Variants in HS6ST3 observed in about 807,000 individuals in gnomAD.
HS6ST3 encodes heparan sulfate 6-O-sulfotransferase 3, also known as heparan-sulfate 6-O-sulfotransferase 3.
A neutral mutation model predicts 36.7 loss-of-function variants in HS6ST3; 12 were observed. That is an observed-to-expected ratio of 0.33 (90% CI 0.21 to 0.53). The LOEUF is 0.53. Among genes scored for constraint, HS6ST3 ranks in the 20% least tolerant of loss-of-function variants. HS6ST3 has a pLI of 0.95. For missense variants in HS6ST3, 584 were observed against 640.9 expected (o/e 0.91, Z 0.96); for synonymous variants, 240 against 257.5 (o/e 0.93, Z 0.65).
intron 1 of HS6ST3, among the ~76,000 whole-genome samples, chr13:96,530,756 A>G (rs1443743931): frequency 2.6e-5 from 4 of 152,172 alleles, no homozygotes; most frequent in Non-Finnish European, 5.9e-5. Flanking sequence ...CTTTGTCATC[A>G]ATCACTTGGA....
intron 1 of HS6ST3, among the ~76,000 whole-genome samples, chr13:96,773,345 T>C (rs1877312737): frequency 6.6e-6 from 1 of 152,160 alleles, no homozygotes; most frequent in South Asian, 2.1e-4. Flanking sequence ...GAAAGGGGGC[T>C]GAAGCCAGGG....
intron 1 of HS6ST3, among the ~76,000 whole-genome samples, chr13:96,593,767 A>G (rs1315911789): frequency 6.6e-6 from 1 of 151,844 alleles, no homozygotes; most frequent in Non-Finnish European, 1.5e-5. Context: ...TGACTCCTTT[A>G]TCAGTATGTA....
intron 1 of HS6ST3, among the ~76,000 whole-genome samples, chr13:96,532,379 G>A (rs566049814): frequency 1.3e-5 from 2 of 152,322 alleles, no homozygotes; most frequent in South Asian, 4.1e-4. Context: ...CAGCTAGTTT[G>A]CATATGCAAA....
chr13:96,489,368 A>G (rs1413575270), intron 1 of HS6ST3, among the ~76,000 whole-genome samples: 2 of 100,326 alleles, frequency 2.0e-5, no homozygotes, highest in Non-Finnish European at 4.6e-5. Flanking sequence ...ATTTTTCTGT[A>G]TATACAAACA....
In HS6ST3 at chr13:96,234,456, A is replaced by G. The variant is rs544506853; in HGVS notation, c.707+142887A>G. Among the ~76,000 whole-genome samples, 11 of 152,304 alleles carry G rather than the reference A, an allele frequency of 7.2e-5. No individual in the cohort carries two copies. In the East Asian group the frequency reaches 2.1e-3, roughly 29 times the overall value. On this transcript the variant is annotated intron_variant, in intron 1 of 1. Transcript: ENST00000376705. ...GTCTGTTCTCATGCTGCTAATAAAGACATACCCAAGACTGGGTAATTTATA... is the reference window on the plus strand; with the variant it reads ...GTCTGTTCTCATGCTGCTAATAAAGGCATACCCAAGACTGGGTAATTTATA...
intron 1 of HS6ST3, among the ~76,000 whole-genome samples, chr13:96,799,532 C>T (rs1877991386): frequency 6.7e-6 from 1 of 150,116 alleles, no homozygotes; most frequent in South Asian, 2.1e-4. Context: ...ATCGCAAGAA[C>T]AAAAAACCAA....
At chr13:96,708,781 A>C (rs981020345) in intron 1 of HS6ST3, among the ~76,000 whole-genome samples, 12 of 152,206 alleles carry the variant, frequency 7.9e-5, no homozygotes, top group Non-Finnish European at 1.8e-4. Context: ...AATTATGGAG[A>C]AGGCCTATCA....
At chr13:96,239,565 A>G (rs558151539) in intron 1 of HS6ST3, among the ~76,000 whole-genome samples, 1 of 152,364 alleles carries the variant, frequency 6.6e-6, no homozygotes, top group East Asian at 1.9e-4. Flanking sequence ...TTGTTTTATT[A>G]AAGCCAATTA....
chr13:96,391,625 G>A (rs1054722579), intron 1 of HS6ST3, among the ~76,000 whole-genome samples: 1 of 152,188 alleles, frequency 6.6e-6, no homozygotes. Context: ...TGGCTGGGGA[G>A]GCCTCACAAT....
intron 1 of HS6ST3, among the ~76,000 whole-genome samples, chr13:96,265,389 A>T (rs1313101645): frequency 6.6e-6 from 1 of 151,936 alleles, no homozygotes; most frequent in East Asian, 1.9e-4. Context: ...TATGTTTCCC[A>T]TGCTGGTCTC....
intron 1 of HS6ST3, among the ~76,000 whole-genome samples, chr13:96,425,594 A>G (rs1481419113): frequency 3.9e-5 from 6 of 152,178 alleles, no homozygotes; most frequent in Non-Finnish European, 8.8e-5. Flanking sequence ...GATATGCAAA[A>G]TAGTTCATTG....
At chr13:96,369,549 T>A (rs1002269846) in intron 1 of HS6ST3, among the ~76,000 whole-genome samples, 1 of 152,156 alleles carries the variant, frequency 6.6e-6, no homozygotes, top group Non-Finnish European at 1.5e-5. Context: ...CAAGTTGTAT[T>A]TTTCATACAA....
intron 1 of HS6ST3, among the ~76,000 whole-genome samples, chr13:96,472,572 C>T (rs2055844816): frequency 6.6e-6 from 1 of 152,142 alleles, no homozygotes; most frequent in African/African-American, 2.4e-5. Context: ...TTGTGCTTGT[C>T]TCCAGCATTG....
intron 1 of HS6ST3, among the ~76,000 whole-genome samples, chr13:96,690,911 A>T (rs1327306596): frequency 6.6e-6 from 1 of 152,086 alleles, no homozygotes; most frequent in Admixed American, 6.6e-5. Context: ...ATGCGTACCT[A>T]ATAAATTATT....
intron 1 of HS6ST3, among the ~76,000 whole-genome samples, chr13:96,508,499 G>T (rs757028047): frequency 1.3e-5 from 2 of 152,008 alleles, no homozygotes; most frequent in African/African-American, 4.8e-5. Flanking sequence ...CGTACCTAAT[G>T]TGTAGTTTTT....
Position 96,813,303 on chromosome 13 carries a change from G to T in HS6ST3, c.708-19187G>T, listed in dbSNP as rs563922651. On this transcript the variant is annotated intron_variant, in intron 1 of 1. Transcript: ENST00000376705. ...TTTAGGAGAATCTGCCCCACAAAAT[G>T]TTACTTGGACTGAATGGAAGGGTAT... Among the ~76,000 whole-genome samples, 24 of 152,290 alleles carry T rather than the reference G, an allele frequency of 1.6e-4. 1 individual carries two copies. Among genetic ancestry groups the T allele is most frequent in the African/African-American group, 5.3e-4 (22 of 41,552 alleles).
intron 1 of HS6ST3, among the ~76,000 whole-genome samples, chr13:96,202,741 C>G (rs2054349203): frequency 6.6e-6 from 1 of 152,168 alleles, no homozygotes; most frequent in Non-Finnish European, 1.5e-5. Context: ...ATAGGGCAAT[C>G]CTGCTGAGAT....
intron 1 of HS6ST3, among the ~76,000 whole-genome samples, chr13:96,765,097 C>T (rs372316183): frequency 1.5e-5 from 2 of 130,406 alleles, no homozygotes; most frequent in Non-Finnish European, 3.1e-5. Context: ...GACGGAGTCT[C>T]GCTCTGTCGC....
At chr13:96,404,950 G>A (rs892556910) in intron 1 of HS6ST3, among the ~76,000 whole-genome samples, 2 of 152,166 alleles carry the variant, frequency 1.3e-5, no homozygotes, top group African/African-American at 4.8e-5. Context: ...AGTCTCACGA[G>A]ATCTGATGGT....
Sources: allele counts gnomAD v4.1 joint callset (sites outside exome capture counted in the v4.1 genomes callset), GRCh38; gene constraint gnomAD v4.1.1; transcripts MANE v1.5; gene names NCBI Gene and HGNC (gene_info 2026-07-23, HGNC 2026-07-21).